Variants in HNRNPC observed in about 807,000 individuals in gnomAD.
HNRNPC encodes the protein heterogeneous nuclear ribonucleoproteins C1/C2.
Under a neutral mutation model 33.2 loss-of-function variants are expected in HNRNPC, and 3 were observed. That is an observed-to-expected ratio of 0.09 (90% CI 0.04 to 0.23). HNRNPC has a LOEUF of 0.23. HNRNPC is among the 10% of genes least tolerant of loss of function. The pLI is 1.00. For missense variants in HNRNPC, 143 were observed against 366.7 expected (o/e 0.39, Z 4.98); for synonymous variants, 121 against 126.7 (o/e 0.96, Z 0.30).
intron 2 of HNRNPC, among the ~76,000 whole-genome samples, chr14:21,258,436 CTATCAT>C (rs1242203650): frequency 6.6e-6 from 1 of 151,880 alleles, no homozygotes; most frequent in Admixed American, 6.6e-5. Flanking sequence ...AAGGAGTCTA[CTATCAT>C]TAAGTGTTGA....
intron 1 of HNRNPC, among the ~76,000 whole-genome samples, chr14:21,267,961 T>G (rs1309668788): frequency 6.6e-6 from 1 of 152,086 alleles, no homozygotes; most frequent in Non-Finnish European, 1.5e-5. Context: ...AAGAAAGGGG[T>G]CGCGATGTTT....
chr14:21,248,007 A>AC (rs1315590429), intron 2 of HNRNPC, among the ~76,000 whole-genome samples: 2 of 149,342 alleles, frequency 1.3e-5, no homozygotes, highest in Non-Finnish European at 3.0e-5. Context: ...GAAAAAAAAA[A>AC]CCCGTATCAT....
chr14:21,231,056 T>C lies in HNRNPC; in HGVS notation c.258A>G (p.Ala86=). The change falls in exon 4 of 9, where the codon GCA becomes GCG. Residue 86 remains alanine (A), a synonymous_variant. Transcript: ENST00000553300. ...CTTTTCCTCGGTTCACTTTTGGCTC[T>C]GCAGCCAGGTTAATATCTGAAAAAC... ...AGQVLDINLA[A]EPKVNRGKAG... 1 of 1,614,182 alleles carries C rather than the reference T, an allele frequency of 6.2e-7. No homozygotes were observed. The highest frequency in any genetic ancestry group is 8.5e-7 in the Non-Finnish European group (1 of 1,180,018).
chr14:21,260,060 C>T (rs1231309071), intron 2 of HNRNPC, among the ~76,000 whole-genome samples: 1 of 131,332 alleles, frequency 7.6e-6, no homozygotes, highest in Non-Finnish European at 1.6e-5. Context: ...ATTAGCCGGG[C>T]GTAGTGGCGG....
intron 2 of HNRNPC, among the ~76,000 whole-genome samples, chr14:21,261,163 T>C (rs1474429050): frequency 6.6e-6 from 1 of 152,070 alleles, no homozygotes; most frequent in African/African-American, 2.4e-5. Context: ...ATAGGATATG[T>C]GTTTACCTCT....
intron 2 of HNRNPC, among the ~76,000 whole-genome samples, chr14:21,260,798 A>G (rs1184707110): frequency 4.6e-5 from 7 of 151,902 alleles, no homozygotes; most frequent in Admixed American, 3.9e-4. Flanking sequence ...CCTCGTCACT[A>G]CTAAAAATAC....
At chr14:21,258,165 G>A (rs1320089662) in intron 2 of HNRNPC, among the ~76,000 whole-genome samples, 2 of 152,120 alleles carry the variant, frequency 1.3e-5, no homozygotes, top group Non-Finnish European at 2.9e-5. Flanking sequence ...AATCGAGGTG[G>A]GCGGATCACG....
At chr14:21,219,503 A>G (rs779431251) in intron 5 of HNRNPC, among the ~76,000 whole-genome samples, 6 of 152,192 alleles carry the variant, frequency 3.9e-5, no homozygotes, top group Non-Finnish European at 7.3e-5. Context: ...ATTCAAAAAG[A>G]CGTTTTCTAA....
At chr14:21,233,912 C>A in intron 3 of HNRNPC, 41 bp downstream of exon 3, 1 of 1,589,030 alleles carries the variant, frequency 6.3e-7, no homozygotes, top group Non-Finnish European at 8.5e-7. Flanking sequence ...AATAGAAAAA[C>A]TCAGGCCTGA....
chr14:21,230,381 C>T lies in HNRNPC; in HGVS notation c.318-15G>A, dbSNP rs936914401. ...CAAAAGAGGAGCTGAAAAATAAATA[C>T]CGAAAAGGGTTAATTTGGAAATGTT... On this transcript the variant is annotated splice_polypyrimidine_tract_variant and intron_variant, in intron 4 of 8. Transcript: ENST00000553300. The T allele has an allele frequency of 6.3e-7, 1 of 1,598,508 alleles. No individual in the cohort carries two copies. Among genetic ancestry groups the T allele is most frequent in the Non-Finnish European group, 8.6e-7 (1 of 1,166,768 alleles).
intron 5 of HNRNPC, among the ~76,000 whole-genome samples, chr14:21,225,026 G>A (rs1409995281): frequency 6.6e-6 from 1 of 152,112 alleles, no homozygotes; most frequent in East Asian, 1.9e-4. Context: ...TTTTGAACCA[G>A]GTTTCTTGCT....
chr14:21,240,013 A>G (rs1895169919), intron 2 of HNRNPC, among the ~76,000 whole-genome samples: 1 of 152,230 alleles, frequency 6.6e-6, no homozygotes, highest in Admixed American at 6.5e-5. Flanking sequence ...TCAAAGGATC[A>G]CAAAAGACCT....
At chr14:21,226,767 C>G (rs1341562380) in intron 5 of HNRNPC, among the ~76,000 whole-genome samples, 1 of 151,320 alleles carries the variant, frequency 6.6e-6, no homozygotes, top group East Asian at 2.0e-4. Flanking sequence ...GTAATCCCAG[C>G]TACCTGGGAG....
At chr14:21,223,725 G>A (rs1762625623) in intron 5 of HNRNPC, among the ~76,000 whole-genome samples, 1 of 152,072 alleles carries the variant, frequency 6.6e-6, no homozygotes, top group Non-Finnish European at 1.5e-5. Context: ...TCGAGCCTGG[G>A]CAAGAGAGCC....
intron 3 of HNRNPC, among the ~76,000 whole-genome samples, chr14:21,233,473 CAT>C (rs1417348836): frequency 3.9e-5 from 6 of 152,156 alleles, no homozygotes; most frequent in African/African-American, 1.4e-4. Context: ...ATAAAATAAA[CAT>C]GTGGACACTG....
At chr14:21,238,394 AAC>A (rs1410395250) in intron 2 of HNRNPC, among the ~76,000 whole-genome samples, 1 of 152,228 alleles carries the variant, frequency 6.6e-6, no homozygotes, top group Non-Finnish European at 1.5e-5. Flanking sequence ...ACAGTACAGA[AAC>A]ACATCAAAAT....
At chr14:21,265,632 A>C (rs1878847562) in intron 1 of HNRNPC, 1 of 152,180 alleles carries the variant, frequency 6.6e-6, no homozygotes. Flanking sequence ...AACATGGCGA[A>C]ACCCTGCCTC....
chr14:21,228,414 A>G (rs1170437302), intron 5 of HNRNPC, among the ~76,000 whole-genome samples: 1 of 152,064 alleles, frequency 6.6e-6, no homozygotes, highest in Non-Finnish European at 1.5e-5. Flanking sequence ...TTTTTTGAGA[A>G]GGAGTCTCAC....
intron 1 of HNRNPC, chr14:21,265,451 T>C (rs1462145450): frequency 1.3e-5 from 2 of 152,214 alleles, no homozygotes; most frequent in African/African-American, 2.4e-5. Context: ...CAAGATGTTA[T>C]TTATGTTAAA....
Sources: gnomAD v4.1 joint callset for allele counts (sites outside exome capture counted in the v4.1 genomes callset) on GRCh38, gnomAD v4.1.1 for gene constraint, MANE v1.5 for transcripts, NCBI Gene and HGNC (gene_info 2026-07-23, HGNC 2026-07-21) for gene names.